Variants in TFAP2D observed in about 807,000 individuals in gnomAD.
TFAP2D encodes transcription factor AP-2 delta, also known as transcription factor AP-2-delta.
In TFAP2D, 9 loss-of-function variants were observed where a neutral mutation model predicts 43.6. The observed-to-expected ratio is 0.21, with a 90% CI of 0.12 to 0.36. TFAP2D has a LOEUF of 0.36. TFAP2D is among the 10% of genes least tolerant of loss of function. The pLI is 1.00. For missense variants in TFAP2D, 513 were observed against 561.4 expected (o/e 0.91, Z 0.87); for synonymous variants, 256 against 224.9 (o/e 1.14, Z -1.24).
In TFAP2D at chr6:50,757,778, T is replaced by TATTCTATATATATAGAATATATATAAA. The variant is rs1561940425; in HGVS notation, c.1139+6454_1139+6455insATTCTATATATATAGAATATATATAAA. 5.4e-3 allele frequency among the ~76,000 whole-genome samples: 419 copies of TATTCTATATATATAGAATATATATAAA among 77,198 alleles called. 37 individuals are homozygous for TATTCTATATATATAGAATATATATAAA. Among genetic ancestry groups the TATTCTATATATATAGAATATATATAAA allele is most frequent in the African/African-American group, 0.018 (361 of 20,438 alleles). 50.6% of individuals were successfully genotyped at this position (77,198 alleles called of 152,430 possible). A position where few individuals can be genotyped will look rare whatever the true frequency, so the allele number is the denominator to read the frequency against. ...TTCTATATATATAGAATATATATAATTATTCTATATATATAGAATATATAT... is the reference window on the plus strand; with the variant it reads ...TTCTATATATATAGAATATATATAATATTCTATATATATAGAATATATATAAATATTCTATATATATAGAATATATAT... On this transcript the variant is annotated intron_variant, in intron 7 of 7. Coordinates refer to ENST00000008391, the MANE Select transcript of TFAP2D (RefSeq NM_172238.4).
intron 5 of TFAP2D, among the ~76,000 whole-genome samples, chr6:50,739,370 C>T (rs1043808486): frequency 6.6e-6 from 1 of 152,122 alleles, no homozygotes; most frequent in Non-Finnish European, 1.5e-5. Flanking sequence ...TGGTTTCCAG[C>T]TACATCCATG....
intron 4 of TFAP2D, 25 bp from the exon 5 acceptor site, chr6:50,729,169 C>T (rs1220814012): frequency 1.2e-6 from 2 of 1,609,964 alleles, no homozygotes; most frequent in East Asian, 2.2e-5. Context: ...ATTTCAAAAC[C>T]TAGTTTTTGT....
intron 3 of TFAP2D, among the ~76,000 whole-genome samples, chr6:50,727,385 C>G: frequency 6.6e-6 from 1 of 152,170 alleles, no homozygotes; most frequent in East Asian, 1.9e-4. Context: ...ATACCAGAAT[C>G]TGAATGCCAG....
chr6:50,718,836 A>C (rs1185850297), intron 2 of TFAP2D, among the ~76,000 whole-genome samples: 1 of 152,210 alleles, frequency 6.6e-6, no homozygotes, highest in Non-Finnish European at 1.5e-5. Flanking sequence ...AAAGACTCCC[A>C]GGCACTTTGA....
intron 5 of TFAP2D, among the ~76,000 whole-genome samples, chr6:50,734,597 A>T (rs1768937688): frequency 6.6e-6 from 1 of 152,092 alleles, no homozygotes; most frequent in South Asian, 2.1e-4. Context: ...TAGCTCACAG[A>T]TAAGGAAAGG....
chr6:50,756,936 T>C (rs1769272775), intron 7 of TFAP2D, among the ~76,000 whole-genome samples: 1 of 151,708 alleles, frequency 6.6e-6, no homozygotes, highest in Non-Finnish European at 1.5e-5. Flanking sequence ...TTTCAGGAAA[T>C]CTTAAAATTT....
At chr6:50,728,512 T>A (rs1768839839) in intron 3 of TFAP2D, among the ~76,000 whole-genome samples, 1 of 152,242 alleles carries the variant, frequency 6.6e-6, no homozygotes, top group Non-Finnish European at 1.5e-5. Context: ...ACCTAGTCTT[T>A]GTGAGCTTAA....
Position 50,728,977 on chromosome 6 carries a change from A to T in TFAP2D, c.720A>T (p.Pro240=). Residue 240 remains proline (P), a synonymous_variant, in exon 4 of 8, where the codon CCA becomes CCT. Transcript: ENST00000008391. ...TIAEVKRRLS[P]PECLNASLLG... is the part of the protein sequence containing the mutation. ...CTGAGGTAAAGAGGCGCCTCTCCCC[A>T]CCTGAGTGCCTCAATGCTTCACTCT... The T allele has an allele frequency of 6.2e-7, 1 of 1,613,924 alleles. No homozygotes were observed. Among genetic ancestry groups the T allele is most frequent in the Non-Finnish European group, 8.5e-7 (1 of 1,179,906 alleles).
chr6:50,769,714 A>T (rs1244766324), intron 7 of TFAP2D, among the ~76,000 whole-genome samples: 1 of 152,200 alleles, frequency 6.6e-6, no homozygotes, highest in African/African-American at 2.4e-5. Flanking sequence ...AGAAAATGTG[A>T]TTTCTCAGAG....
At chr6:50,728,110 T>C (rs1768834808) in intron 3 of TFAP2D, among the ~76,000 whole-genome samples, 1 of 152,188 alleles carries the variant, frequency 6.6e-6, no homozygotes, top group African/African-American at 2.4e-5. Flanking sequence ...ATTATCTTTG[T>C]TTTGCTCCCT....
At chr6:50,730,030 T>C (rs1230123252) in intron 5 of TFAP2D, among the ~76,000 whole-genome samples, 1 of 152,166 alleles carries the variant, frequency 6.6e-6, no homozygotes, top group Non-Finnish European at 1.5e-5. Flanking sequence ...GGGGAACTTT[T>C]TGAATGTCAA....
At chr6:50,725,653 C>T (rs564627039) in intron 3 of TFAP2D, among the ~76,000 whole-genome samples, 16 of 152,214 alleles carry the variant, frequency 1.1e-4, no homozygotes, top group Admixed American at 8.5e-4. Context: ...TGTGGGCCAA[C>T]GTTTCATAAC....
At chr6:50,726,321 TAAG>T (rs1768807217) in intron 3 of TFAP2D, among the ~76,000 whole-genome samples, 1 of 152,190 alleles carries the variant, frequency 6.6e-6, no homozygotes, top group Non-Finnish European at 1.5e-5. Context: ...TTAGTAAAGA[TAAG>T]AAAGTTCTAA....
chr6:50,749,137 T>C (rs1422842719), intron 6 of TFAP2D, among the ~76,000 whole-genome samples: 1 of 151,694 alleles, frequency 6.6e-6, no homozygotes, highest in East Asian at 1.9e-4. Context: ...AGCTTGAAAG[T>C]GAGTGAGTTA....
intron 3 of TFAP2D, among the ~76,000 whole-genome samples, chr6:50,722,920 A>C (rs1460587942): frequency 1.3e-5 from 2 of 152,204 alleles, no homozygotes; most frequent in African/African-American, 4.8e-5. Context: ...CTAATTTCAG[A>C]AGCTTAAACA....
At chr6:50,728,695 A>G (rs2114037852) in intron 3 of TFAP2D, among the ~76,000 whole-genome samples, 161 bp from the exon 4 acceptor site, 2 of 152,362 alleles carry the variant, frequency 1.3e-5, no homozygotes, top group Middle Eastern at 6.8e-3. Flanking sequence ...AGTATTTGAA[A>G]GAACATTTAG....
chr6:50,718,645 G>A (rs1768665174), intron 2 of TFAP2D, among the ~76,000 whole-genome samples: 3 of 152,080 alleles, frequency 2.0e-5, no homozygotes, highest in Admixed American at 2.0e-4. Context: ...ACCTCCATAA[G>A]ACATCTTGTA....
At chr6:50,724,976 G>T (rs1451803140) in intron 3 of TFAP2D, among the ~76,000 whole-genome samples, 1 of 152,032 alleles carries the variant, frequency 6.6e-6, no homozygotes, top group Non-Finnish European at 1.5e-5. Context: ...TTGTTTAGAT[G>T]GACAGACTAG....
chr6:50,734,982 T>C (rs757307051), intron 5 of TFAP2D, among the ~76,000 whole-genome samples: 13 of 152,110 alleles, frequency 8.5e-5, no homozygotes, highest in Non-Finnish European at 1.3e-4. Flanking sequence ...TTGTCTGAAC[T>C]CACTTCTACA....
Sources: allele counts gnomAD v4.1 joint callset (sites outside exome capture counted in the v4.1 genomes callset), GRCh38; gene constraint gnomAD v4.1.1; transcripts MANE v1.5; gene names NCBI Gene and HGNC (gene_info 2026-07-23, HGNC 2026-07-21).